The following DIP2A variants were observed in gnomAD, a reference collection of about 807,000 sequenced individuals.
The protein encoded by DIP2A is DIP2 acetate--CoA ligase A.
Under a neutral mutation model 177.4 loss-of-function variants are expected in DIP2A, and 85 were observed. The observed-to-expected ratio is 0.48, with a 90% confidence interval of 0.40 to 0.57. The LOEUF (loss-of-function observed/expected upper bound fraction) is 0.57, where lower values mean the gene tolerates loss of function less well. Among genes scored for constraint, DIP2A ranks in the 20% least tolerant of loss-of-function variants. The pLI is 0.00. For synonymous variants in DIP2A, 886 were observed against 881.8 expected, an observed-to-expected ratio of 1.00 and a Z score of -0.08; for missense variants, 1,791 against 2,100.2, an observed-to-expected ratio of 0.85 and a Z score of 2.88.
intron 1 of DIP2A, among the ~76,000 whole-genome samples, chr21:46,460,539 T>C (rs2054202303): frequency 1.3e-5 from 2 of 152,232 alleles, no homozygotes; most frequent in Non-Finnish European, 2.9e-5. Flanking sequence ...TCTCAAAACA[T>C]CTAAATAATA....
At position 46,563,876 on chromosome 21, in the gene DIP2A, GTCA is replaced by G. The variant is rs766458283; in HGVS notation, c.4114_4116del (p.Ile1372del). Reference sequence around the variant, plus strand: ...CTTCCAGATCCTCCCCGGCGTGAAGGTCATCATCGCACACACCGAGACCAAAGG... The same window carrying G: ...CTTCCAGATCCTCCCCGGCGTGAAGGTCATCGCACACACCGAGACCAAAGG... On this transcript the variant is annotated inframe_deletion, in exon 35 of 38. Transcript: ENST00000417564. This position sits in a 1 kb window ranked among gnomAD's most constrained non-coding sequence, Gnocchi z 4.3. 1.2e-6 allele frequency: 2 copies of G among 1,613,560 alleles called. No individual in the cohort carries two copies. The highest frequency in any genetic ancestry group is 1.7e-6 in the Non-Finnish European group (2 of 1,179,806).
chr21:46,575,771 C>T, the DIP2A span, among the ~76,000 whole-genome samples: 2 of 152,170 alleles, frequency 1.3e-5, no homozygotes, highest in Admixed American at 1.3e-4. Flanking sequence ...AGTGGAAAGA[C>T]ATCTTATGTT....
At chr21:46,573,029 C>A (rs139351881), downstream of DIP2A, among the ~76,000 whole-genome samples, 3 of 151,868 alleles carry the variant, frequency 2.0e-5, no homozygotes, top group African/African-American at 4.8e-5. Context: ...TGTTGTTCCC[C>A]CAATGATGAA....
chr21:46,580,590 T>C, the DIP2A span, among the ~76,000 whole-genome samples: 1 of 152,234 alleles, frequency 6.6e-6, no homozygotes, highest in Non-Finnish European at 1.5e-5. Flanking sequence ...TAATAGTTTT[T>C]CCTTTCCATA....
At chr21:46,490,548 A>T in intron 2 of DIP2A, 52 bp from the exon 3 acceptor site, 2 of 1,516,972 alleles carry the variant, frequency 1.3e-6, no homozygotes, top group Non-Finnish European at 1.8e-6. Context: ...CTTTTTCATA[A>T]TTGGAAAAGC....
Position 46,462,048 on chromosome 21 carries a change from A to C in DIP2A, c.91+2826A>C, listed in dbSNP as rs111959472. Among the ~76,000 whole-genome samples, 43 of 152,026 alleles carry C rather than the reference A, an allele frequency of 2.8e-4. 3 individuals carry two copies. The highest frequency in any genetic ancestry group is 1.0e-3 in the African/African-American group (42 of 41,502). On this transcript the variant is annotated intron_variant, in intron 1 of 37. Transcript: ENST00000417564. The stretch of plus-strand genomic sequence containing the variant: ...GGGAGACAGAGTGGGACCTTGTCTC[A>C]AAAAAAAGTGTTAAAGGGAAGACAG...
In DIP2A at chr21:46,459,035, T is replaced by G. The variant is rs1007424965; in HGVS notation, c.-97T>G. 2.8e-5 allele frequency: 28 copies of G among 984,274 alleles called. No homozygotes were observed. The highest frequency in any genetic ancestry group is 2.2e-4 in the Middle Eastern group (1 of 4,582). The allele number at this position is 984,274 out of a possible 1,614,324, so 61.0% of individuals were successfully genotyped here. ...CCGCTCCTCGCCTGGCGGATGTAGG[T>G]TGTTGGCCTGAGGGGAGCTACGTAG... On this transcript the variant is annotated 5_prime_UTR_variant, in exon 1 of 38. Coordinates refer to ENST00000417564, the MANE Select transcript of DIP2A (RefSeq NM_015151.4).
chr21:46,521,624 A>G (rs900381824), intron 8 of DIP2A, among the ~76,000 whole-genome samples: 1 of 152,254 alleles, frequency 6.6e-6, no homozygotes. Context: ...ACCATAAGGT[A>G]AGATTCTCAT....
At chr21:46,535,289 A>AT (rs2059519052) in intron 13 of DIP2A, among the ~76,000 whole-genome samples, 1 of 150,904 alleles carries the variant, frequency 6.6e-6, no homozygotes, top group Non-Finnish European at 1.5e-5. Flanking sequence ...GATAAGTACT[A>AT]ATTGTATATA....
chr21:46,477,543 T>TTTTTTGTGTGTGTGTG (rs374607636), intron 1 of DIP2A, among the ~76,000 whole-genome samples: 1 of 87,092 alleles, frequency 1.1e-5, no homozygotes, highest in African/African-American at 4.3e-5. Context: ...AAAAAAAGAT[T>TTTTTTGTGTGTGTGTG]TGTGTGTGTG....
Position 46,496,997 on chromosome 21 carries a change from C to A in DIP2A, c.293C>A (p.Thr98Asn). The change falls in exon 4 of 38, where the codon ACT (threonine) becomes AAT (asparagine). Residue 98 changes from threonine to asparagine, a missense_variant. Thr to Asn is a moderately conservative substitution (Grantham distance 65). Coordinates refer to ENST00000417564, the MANE Select transcript of DIP2A (RefSeq NM_015151.4). The stretch of plus-strand genomic sequence containing the variant: ...TGTCCTTCCTGTGTAGATGTCCACA[C>A]TGAAGCCGTGCAAGCAGCTTTGGCC... ...RDERFRSDVH[T>N]EAVQAALAKY... 3 of 1,599,048 alleles carry A rather than the reference C, an allele frequency of 1.9e-6. No individual in the cohort carries two copies. Among genetic ancestry groups the A allele is most frequent in the Non-Finnish European group, 1.7e-6 (2 of 1,173,276 alleles).
chr21:46,550,457 C>T, intron 22 of DIP2A, 86 bp from the exon 23 acceptor site: 1 of 1,332,472 alleles, frequency 7.5e-7, no homozygotes, highest in Non-Finnish European at 1.0e-6. Flanking sequence ...GGAACAGGTC[C>T]ACAGAGGGGA....
intron 19 of DIP2A, 72 bp downstream of exon 19, chr21:46,545,345 G>C: frequency 1.3e-6 from 2 of 1,511,490 alleles, no homozygotes; most frequent in South Asian, 1.3e-5. Flanking sequence ...AGGTGTGCTG[G>C]GTGCTGGGGG....
the DIP2A span, among the ~76,000 whole-genome samples, chr21:46,578,340 C>A: frequency 3.3e-5 from 5 of 151,852 alleles, no homozygotes; most frequent in East Asian, 9.7e-4. Context: ...ACAACGACAA[C>A]AAAAAAAACC....
chr21:46,520,826 C>G (rs1337134802), intron 8 of DIP2A, among the ~76,000 whole-genome samples: 1 of 152,218 alleles, frequency 6.6e-6, no homozygotes, highest in Non-Finnish European at 1.5e-5. Context: ...AGCCACGCAT[C>G]ATTTCATATC....
chr21:46,537,508 C>CT lies in DIP2A; in HGVS notation c.1771dup (p.Ser591PhefsTer10). 6.2e-7 allele frequency: 1 copy of CT among 1,614,232 alleles called. No homozygotes were observed. The highest frequency in any genetic ancestry group is 8.5e-7 in the Non-Finnish European group (1 of 1,180,042). On this transcript the variant is annotated frameshift_variant, in exon 15 of 38. Transcript: ENST00000417564. LOFTEE classifies it high-confidence loss of function. The surrounding 1 kb of genome is among the most constrained non-coding windows in gnomAD (Gnocchi z 4.1). ...ACGCGCTGATGAAGGCGAACCCACT[C>CT]TCCTGGATCCAGAAAGTGTGCTTCT...
Position 46,463,680 on chromosome 21 carries a change from T to TTGTGTGTGTGTGTGTGTGTGTGTGTGTG in DIP2A, c.91+4470_91+4497dup, listed in dbSNP as rs5844275. Among the ~76,000 whole-genome samples the TTGTGTGTGTGTGTGTGTGTGTGTGTGTG allele has an allele frequency of 3.3e-4, 43 of 131,038 alleles. 1 individual carries two copies. Among genetic ancestry groups the TTGTGTGTGTGTGTGTGTGTGTGTGTGTG allele is most frequent in the Non-Finnish European group, 5.8e-4 (36 of 62,186 alleles). The allele number at this position is 131,038 out of a possible 152,430, so 86.0% of individuals were successfully genotyped here. A position where few individuals can be genotyped will look rare whatever the true frequency, so the allele number is the denominator to read the frequency against. On this transcript the variant is annotated intron_variant, in intron 1 of 37. Coordinates refer to ENST00000417564, the MANE Select transcript of DIP2A (RefSeq NM_015151.4). The stretch of plus-strand genomic sequence containing the variant: ...TTAATTTCTAAAATCTGGGATATAT[T>TTGTGTGTGTGTGTGTGTGTGTGTGTGTG]TGTGTGTGTGTGTGTGTGTGTGTGT...
At chr21:46,525,929 A>G (rs1382088072) in intron 8 of DIP2A, among the ~76,000 whole-genome samples, 2 of 144,248 alleles carry the variant, frequency 1.4e-5, no homozygotes, top group East Asian at 2.0e-4. Flanking sequence ...TTATTTTGAG[A>G]TGGAGTTTCG....
chr21:46,546,279 A>T, intron 20 of DIP2A: 1 of 1,127,412 alleles, frequency 8.9e-7, no homozygotes, highest in Non-Finnish European at 1.1e-6. Context: ...TGTCTAAACT[A>T]TTCAAAAATA....
Sources: gnomAD v4.1 joint callset for allele counts (sites outside exome capture counted in the v4.1 genomes callset) on GRCh38, gnomAD v4.1.1 for gene constraint, Gnocchi (gnomAD v3.1) non-coding constraint, MANE v1.5 for transcripts, NCBI Gene and HGNC (gene_info 2026-07-23, HGNC 2026-07-21) for gene names.